Variants in HTRA3 observed in about 807,000 individuals in gnomAD.
The protein encoded by HTRA3 is serine protease HTRA3.
HTRA3 carries 41 observed loss-of-function variants against 43.2 expected under a neutral mutation model. The observed-to-expected ratio is 0.95, with a 90% CI of 0.74 to 1.23. HTRA3 has a LOEUF of 1.23. Among genes scored for constraint, HTRA3 ranks in the 50% most tolerant of loss-of-function variants. The pLI is 0.00. For missense variants in HTRA3, 628 were observed against 647.1 expected, an observed-to-expected ratio of 0.97 and a Z score of 0.32; for synonymous variants, 295 against 287.9, an observed-to-expected ratio of 1.02 and a Z score of -0.25.
chr4:8,296,111 G>A lies in HTRA3; in HGVS notation c.1051+1910G>A, dbSNP rs929248065. 36 of 1,008,338 alleles carry A rather than the reference G, an allele frequency of 3.6e-5. No individual in the cohort carries two copies. The highest frequency in any genetic ancestry group is 3.9e-5 in the Non-Finnish European group (33 of 845,592). The allele number at this position is 1,008,338 out of a possible 1,614,324, so 62.5% of individuals were successfully genotyped here. ...GCCTTTGACTTTGGCCTCCTTACTG[G>A]AAATTAGCGGAGCTGCTGTTTGCAC... On this transcript the variant is annotated intron_variant, in intron 6 of 8. Transcript: ENST00000307358. This position sits in a 1 kb window ranked among gnomAD's most constrained non-coding sequence, Gnocchi z 5.3.
chr4:8,286,806 G>T lies in HTRA3; in HGVS notation c.708+23G>T. ...AAGGTGGGTGGGCGTGGGTGGAGGG[G>T]CGGAAGCACCTGGGGCTGGGCATGG... On this transcript the variant is annotated intron_variant, in intron 3 of 8. Transcript: ENST00000307358. This position sits in a 1 kb window ranked among gnomAD's most constrained non-coding sequence, Gnocchi z 4.9. The T allele has an allele frequency of 6.3e-7, 1 of 1,577,402 alleles. No individual in the cohort carries two copies. Among genetic ancestry groups the T allele is most frequent in the Non-Finnish European group, 8.7e-7 (1 of 1,149,962 alleles).
intron 1 of HTRA3, among the ~76,000 whole-genome samples, 191 bp from the exon 2 acceptor site, chr4:8,282,246 C>T (rs1204754869): frequency 6.6e-6 from 1 of 152,202 alleles, no homozygotes; most frequent in African/African-American, 2.4e-5. Flanking sequence ...AGCCCCTTCC[C>T]AAATGCCTGG....
At chr4:8,272,589 A>C (rs1035260303) in intron 1 of HTRA3, among the ~76,000 whole-genome samples, 5 of 152,228 alleles carry the variant, frequency 3.3e-5, no homozygotes, top group Admixed American at 6.5e-5. Context: ...CCCCCAGACC[A>C]CGTTGTTTCA....
At chr4:8,290,632 C>T (rs577272882) in intron 3 of HTRA3, among the ~76,000 whole-genome samples, 3 of 152,176 alleles carry the variant, frequency 2.0e-5, no homozygotes, top group East Asian at 1.9e-4. Context: ...TGTGTGTGTG[C>T]GCTTCGGCAC....
At position 8,279,776 on chromosome 4, in the gene HTRA3, C is replaced by T. The variant is rs139679681; in HGVS notation, c.386-2661C>T. Reference sequence around the variant, plus strand: ...GCTTTCCATGTGCTGTGCCCCTGCCCGTGGGCTCTTCCAGGCCTGGGTCAG... The same window carrying T: ...GCTTTCCATGTGCTGTGCCCCTGCCTGTGGGCTCTTCCAGGCCTGGGTCAG... On this transcript the variant is annotated intron_variant, in intron 1 of 8. Coordinates refer to ENST00000307358, the MANE Select transcript of HTRA3 (RefSeq NM_053044.5). This position sits in a 1 kb window ranked among gnomAD's most constrained non-coding sequence, Gnocchi z 7.4. 2.0e-5 allele frequency among the ~76,000 whole-genome samples: 3 copies of T among 152,300 alleles called. No individual in the cohort carries two copies. The highest frequency in any genetic ancestry group is 4.4e-5 in the Non-Finnish European group (3 of 68,020).
rs1713643609 is a variant in HTRA3, at chr4:8,301,241, ATTCACACTCAGCTTTAT to A, written c.1052-1220_1052-1204del. ...TGATTCACAGACATCTTTATTATTG[ATTCACACTCAGCTTTAT>A]TGATTCACACTCATCTTTATTATTG... On this transcript the variant is annotated intron_variant, in intron 6 of 8. Transcript: ENST00000307358. Among the ~76,000 whole-genome samples the A allele has an allele frequency of 6.7e-5, 5 of 74,900 alleles. No homozygotes were observed. The South Asian group carries it at 2.4e-3, about 35-fold the overall frequency. The allele number at this position is 74,900 out of a possible 152,430, so 49.1% of individuals were successfully genotyped here.
At chr4:8,274,813 C>T (rs979800966) in intron 1 of HTRA3, among the ~76,000 whole-genome samples, 2 of 152,218 alleles carry the variant, frequency 1.3e-5, no homozygotes, top group African/African-American at 4.8e-5. Context: ...CTGCCATGCG[C>T]TCAGAATGTA....
chr4:8,270,265 C>T lies in HTRA3; in HGVS notation c.297C>T (p.Asn99=). The T allele has an allele frequency of 3.3e-6, 5 of 1,504,898 alleles. No homozygotes were observed. Among genetic ancestry groups the T allele is most frequent in the Non-Finnish European group, 4.4e-6 (5 of 1,134,592 alleles). The allele number at this position is 1,504,898 out of a possible 1,614,324, so 93.2% of individuals were successfully genotyped here. ...GCACCGACGGGCACACCTATGCCAA[C>T]GTGTGCGCGCTGCAGGCGGCCAGCC... ...VCGTDGHTYA[N]VCALQAASRR... Residue 99 remains asparagine (N), a synonymous_variant, in exon 1 of 9, where the codon AAC becomes AAT. Coordinates refer to ENST00000307358, the MANE Select transcript of HTRA3 (RefSeq NM_053044.5).
intron 6 of HTRA3, among the ~76,000 whole-genome samples, chr4:8,299,688 T>A (rs909885478): frequency 6.6e-6 from 1 of 152,338 alleles, no homozygotes; most frequent in Non-Finnish European, 1.5e-5. Context: ...TTACTTTTTG[T>A]CAGAGGCTTT....
At chr4:8,288,574 CTTTT>C (rs35966094) in intron 3 of HTRA3, among the ~76,000 whole-genome samples, 6 of 132,526 alleles carry the variant, frequency 4.5e-5, no homozygotes, top group African/African-American at 8.5e-5. Flanking sequence ...CGTGCCTAGC[CTTTT>C]TTTTTTTTTT....
At chr4:8,289,766 C>A (rs1421031963) in intron 3 of HTRA3, among the ~76,000 whole-genome samples, 1 of 151,984 alleles carries the variant, frequency 6.6e-6, no homozygotes, top group Non-Finnish European at 1.5e-5. Context: ...GATGGCTGAC[C>A]CTCCCCAGCT....
In HTRA3 at chr4:8,291,494, A is replaced by G. The variant is rs1213347203; in HGVS notation, c.833A>G (p.Gln278Arg). ...TVTTGIVSTA[Q>R]REGRELGLRD... is the part of the protein sequence containing the mutation. ...ACAACGGGCATCGTCAGCACTGCCC[A>G]GCGGGAGGGCAGGGAGCTGGGCCTC... The change falls in exon 4 of 9, where the codon CAG (glutamine) becomes CGG (arginine). Residue 278 changes from glutamine (Q) to arginine (R), a missense_variant. Gln to Arg is a conservative substitution (Grantham distance 43). Coordinates refer to ENST00000307358, the MANE Select transcript of HTRA3 (RefSeq NM_053044.5). The G allele has an allele frequency of 6.2e-7, 1 of 1,612,858 alleles. No homozygotes were observed. The highest frequency in any genetic ancestry group is 1.3e-5 in the African/African-American group (1 of 75,054).
At position 8,291,515 on chromosome 4, in the gene HTRA3, G is replaced by C; in HGVS notation, c.854G>C (p.Gly285Ala). 1 of 1,611,994 alleles carries C rather than the reference G, an allele frequency of 6.2e-7. No individual in the cohort carries two copies. Among genetic ancestry groups the C allele is most frequent in the Non-Finnish European group, 8.5e-7 (1 of 1,179,368 alleles). The change falls in exon 4 of 9, where the codon GGC (glycine) becomes GCC (alanine). Residue 285 changes from glycine to alanine, a missense_variant. By Grantham distance (60) the Gly-to-Ala change is moderately conservative. Coordinates refer to ENST00000307358, the MANE Select transcript of HTRA3 (RefSeq NM_053044.5). ...STAQREGREL[G>A]LRDSDMDYIQ... ...GCCCAGCGGGAGGGCAGGGAGCTGG[G>C]CCTCCGGGACTCCGACATGGACTAC...
intron 1 of HTRA3, among the ~76,000 whole-genome samples, chr4:8,274,664 T>C (rs139649987): frequency 6.6e-5 from 10 of 152,300 alleles, no homozygotes; most frequent in African/African-American, 2.4e-4. Flanking sequence ...AGTGGATAAA[T>C]GTCCATCCAC....
intron 7 of HTRA3, 87 bp from the exon 8 acceptor site, chr4:8,304,097 T>C (rs2153007430): frequency 9.5e-7 from 1 of 1,056,582 alleles, no homozygotes; most frequent in East Asian, 2.4e-5. Context: ...TCTTCTGGTC[T>C]GGTGCTGGAG....
intron 6 of HTRA3, 54 bp from the exon 7 acceptor site, chr4:8,302,409 C>T (rs187337903): frequency 5.0e-5 from 76 of 1,532,818 alleles, no homozygotes; most frequent in East Asian, 4.5e-5. Flanking sequence ...CCTGAGGGAG[C>T]GTGGTGGCTT....
At chr4:8,288,878 T>TTTCTTCC (rs1713102530) in intron 3 of HTRA3, among the ~76,000 whole-genome samples, 1 of 118,076 alleles carries the variant, frequency 8.5e-6, no homozygotes, top group Non-Finnish European at 1.7e-5. Context: ...ACCCCCAAAT[T>TTTCTTCC]TTCCTTCCTT....
At chr4:8,304,572 G>A (rs149837253) in intron 8 of HTRA3, among the ~76,000 whole-genome samples, 2,305 of 151,936 alleles carry the variant, frequency 0.015, 26 homozygotes, top group Non-Finnish European at 0.025. Context: ...ACTAGCTGGG[G>A]ACCAGCCTGG....
chr4:8,270,072 C>T lies in HTRA3; in HGVS notation c.104C>T (p.Pro35Leu), dbSNP rs528115462. ...GCGCGCTGCGACGTGTCGCGGTGTC[C>T]CAGCCCCCGCTGCCCCGGCGGCTAC... Reference protein sequence around the residue: ...CPARCDVSRCPSPRCPGGYVP... With the variant: ...CPARCDVSRCLSPRCPGGYVP... The change falls in exon 1 of 9, where the codon CCC becomes CTC. Residue 35 changes from proline (P) to leucine (L), a missense_variant. Transcript: ENST00000307358. 9 of 1,515,978 alleles carry T rather than the reference C, an allele frequency of 5.9e-6. No homozygotes were observed. Among genetic ancestry groups the T allele is most frequent in the African/African-American group, 1.4e-5 (1 of 69,550 alleles). 93.9% of individuals were successfully genotyped at this position (1,515,978 alleles called of 1,614,324 possible).
Sources: gnomAD v4.1 joint callset for allele counts (sites outside exome capture counted in the v4.1 genomes callset) on GRCh38, gnomAD v4.1.1 for gene constraint, Gnocchi (gnomAD v3.1) non-coding constraint, MANE v1.5 for transcripts, NCBI Gene and HGNC (gene_info 2026-07-23, HGNC 2026-07-21) for gene names.